SLC35E3: variants seen among roughly 807,000 people sequenced by gnomAD.
SLC35E3 encodes the protein solute carrier family 35 member E3, also known as bladder cancer-overexpressed gene 1 protein.
A neutral mutation model predicts 30.8 loss-of-function variants in SLC35E3; 28 were observed. That is an observed-to-expected ratio of 0.91 (90% CI 0.67 to 1.25). The LOEUF is 1.25. Ranked by LOEUF, SLC35E3 falls within the 50% of genes most tolerant of loss-of-function variation. SLC35E3 has a pLI of 0.00. For synonymous variants in SLC35E3, 146 were observed against 149.2 expected (o/e 0.98, Z 0.16); for missense variants, 365 against 375.4 (o/e 0.97, Z 0.23).
chr12:68,752,283 A>C, intron 3 of SLC35E3, 93 bp downstream of exon 3: 3 of 1,157,128 alleles, frequency 2.6e-6, no homozygotes. Flanking sequence ...ACTATGTCCG[A>C]TCCATTCTCA....
In SLC35E3 at chr12:68,777,009, G is replaced by A. The variant is rs1879764733; in HGVS notation, c.*12119G>A. The A allele has an allele frequency of 6.6e-6, 1 of 151,986 alleles. No homozygotes were observed. Among genetic ancestry groups the A allele is most frequent in the South Asian group, 2.1e-4 (1 of 4,822 alleles). The allele number at this position is 151,986 out of a possible 1,614,324, so 9.4% of individuals were successfully genotyped here. On this transcript the variant is annotated 3_prime_UTR_variant, in exon 5 of 5. Coordinates refer to ENST00000398004, the MANE Select transcript of SLC35E3 (RefSeq NM_018656.5). ...CCCCTCATTCCTAGTAGTACCCCCA[G>A]TTCTGCTTCAATTTGATTCAGCAGA...
rs902582867 is a variant in SLC35E3, at chr12:68,772,817, C to G, written c.*7927C>G. The G allele has an allele frequency of 4.6e-5, 7 of 152,060 alleles. No individual in the cohort carries two copies. Among genetic ancestry groups the G allele is most frequent in the Non-Finnish European group, 8.8e-5 (6 of 68,026 alleles). 9.4% of individuals were successfully genotyped at this position (152,060 alleles called of 1,614,324 possible). On this transcript the variant is annotated 3_prime_UTR_variant, in exon 5 of 5. Transcript: ENST00000398004. ...TCCTTTTCCTGTTTGTCTTACTCTC[C>G]CCCCAAAAAGAGTCAGTTTCCTGTT...
intron 3 of SLC35E3, among the ~76,000 whole-genome samples, chr12:68,754,277 T>TTTTTG (rs886111167): frequency 5.3e-5 from 8 of 151,932 alleles, no homozygotes; most frequent in South Asian, 2.1e-4. Flanking sequence ...GTTGTTGTTG[T>TTTTTG]TTTTGTTTTG....
intron 2 of SLC35E3, among the ~76,000 whole-genome samples, 181 bp from the exon 3 acceptor site, chr12:68,751,851 A>T (rs541956416): frequency 1.1e-3 from 161 of 152,330 alleles, no homozygotes; most frequent in African/African-American, 3.6e-3. Context: ...ATTTTCATCC[A>T]TGGTGCTTAA....
chr12:68,746,317 G>A lies in SLC35E3; in HGVS notation c.-61G>A, dbSNP rs1878548587. 6.7e-7 allele frequency: 1 copy of A among 1,502,196 alleles called. No homozygotes were observed. Among genetic ancestry groups the A allele is most frequent in the Non-Finnish European group, 8.9e-7 (1 of 1,127,282 alleles). 93.1% of individuals were successfully genotyped at this position (1,502,196 alleles called of 1,614,324 possible). ...GAGGACGCGGCGGTGGAGTAGAAGG[G>A]CAGCCGGAGACAGGCCCGGCGCCCC... On this transcript the variant is annotated 5_prime_UTR_variant, in exon 1 of 5. Coordinates refer to ENST00000398004, the MANE Select transcript of SLC35E3 (RefSeq NM_018656.5).
At chr12:68,762,038 G>T (rs920233510) in intron 4 of SLC35E3, among the ~76,000 whole-genome samples, 1 of 152,018 alleles carries the variant, frequency 6.6e-6, no homozygotes, top group African/African-American at 2.4e-5. Context: ...ATGGTTCACT[G>T]CAACCTCAAA....
Position 68,772,428 on chromosome 12 carries a change from T to G in SLC35E3, c.*7538T>G, listed in dbSNP as rs529002374. 1 of 152,340 alleles carries G rather than the reference T, an allele frequency of 6.6e-6. No individual in the cohort carries two copies. Among genetic ancestry groups the G allele is most frequent in the Admixed American group, 6.5e-5 (1 of 15,294 alleles). The allele number at this position is 152,340 out of a possible 1,614,324, so 9.4% of individuals were successfully genotyped here. ...TATAACTTATATGAGACGCATTTAA[T>G]GTAATCATATTACTTTCTTATATTA... is the stretch of plus-strand genomic sequence containing the variant. On this transcript the variant is annotated 3_prime_UTR_variant, in exon 5 of 5. Coordinates refer to ENST00000398004, the MANE Select transcript of SLC35E3 (RefSeq NM_018656.5).
At position 68,746,201 on chromosome 12, in the gene SLC35E3, G is replaced by A; in HGVS notation, c.-177G>A. ...GTCCTAGCTGGCTTACAGGGCGGCG[G>A]CGGGGTGTGTGTCCTCTGTTAAGAG... is the stretch of plus-strand genomic sequence containing the variant. On this transcript the variant is annotated 5_prime_UTR_variant, in exon 1 of 5. Coordinates refer to ENST00000398004, the MANE Select transcript of SLC35E3 (RefSeq NM_018656.5). 1.9e-6 allele frequency: 1 copy of A among 525,340 alleles called. No individual in the cohort carries two copies. Among genetic ancestry groups the A allele is most frequent in the Non-Finnish European group, 3.3e-6 (1 of 305,670 alleles). 32.5% of individuals were successfully genotyped at this position (525,340 alleles called of 1,614,324 possible).
chr12:68,761,916 G>T (rs944011690), intron 4 of SLC35E3, among the ~76,000 whole-genome samples: 8 of 152,092 alleles, frequency 5.3e-5, no homozygotes, highest in African/African-American at 1.9e-4. Flanking sequence ...CCAGAAGGAG[G>T]TTTGGGGCTG....
In SLC35E3 at chr12:68,764,994, C is replaced by G. The variant is rs948245357; in HGVS notation, c.*104C>G. On this transcript the variant is annotated 3_prime_UTR_variant, in exon 5 of 5. Transcript: ENST00000398004. ...AAATTGGGCCAGGCACGGTGGCTCA[C>G]GCCTGTAATCCCAGCACTTTGGGAG... 6.3e-6 allele frequency: 7 copies of G among 1,105,480 alleles called. No individual in the cohort carries two copies. Among genetic ancestry groups the G allele is most frequent in the Non-Finnish European group, 8.9e-6 (7 of 789,696 alleles). The allele number at this position is 1,105,480 out of a possible 1,614,324, so 68.5% of individuals were successfully genotyped here.
rs1368008156 is a variant in SLC35E3, at chr12:68,776,298, C to CAGG, written c.*11411_*11413dup. ...CCGAGGCAGGTGGATCACTTGAGGT[C>CAGG]AGGAGTTGGAGACCAGCCTGGCCAA... On this transcript the variant is annotated 3_prime_UTR_variant, in exon 5 of 5. Coordinates refer to ENST00000398004, the MANE Select transcript of SLC35E3 (RefSeq NM_018656.5). 2 of 150,274 alleles carry CAGG rather than the reference C, an allele frequency of 1.3e-5. No homozygotes were observed. The highest frequency in any genetic ancestry group is 3.0e-5 in the Non-Finnish European group (2 of 67,648). The allele number at this position is 150,274 out of a possible 1,614,324, so 9.3% of individuals were successfully genotyped here. A position where few individuals can be genotyped will look rare whatever the true frequency, so the allele number is the denominator to read the frequency against.
chr12:68,750,709 C>T (rs543617133), intron 2 of SLC35E3, among the ~76,000 whole-genome samples: 83 of 152,316 alleles, frequency 5.4e-4, no homozygotes, highest in African/African-American at 2.0e-3. Context: ...CACACACCCT[C>T]TGTATCCGTT....
rs1000823801 is a variant in SLC35E3 at position 68,772,820 on chromosome 12, C to G, written c.*7930C>G. 2 of 152,120 alleles carry G rather than the reference C, an allele frequency of 1.3e-5. No individual in the cohort carries two copies. Among genetic ancestry groups the G allele is most frequent in the African/African-American group, 2.4e-5 (1 of 41,402 alleles). The allele number at this position is 152,120 out of a possible 1,614,324, so 9.4% of individuals were successfully genotyped here. A position where few individuals can be genotyped will look rare whatever the true frequency, so the allele number is the denominator to read the frequency against. On this transcript the variant is annotated 3_prime_UTR_variant, in exon 5 of 5. Coordinates refer to ENST00000398004, the MANE Select transcript of SLC35E3 (RefSeq NM_018656.5). Reference sequence around the variant, plus strand: ...TTTTCCTGTTTGTCTTACTCTCCCCCCAAAAAGAGTCAGTTTCCTGTTTTC... The same window carrying G: ...TTTTCCTGTTTGTCTTACTCTCCCCGCAAAAAGAGTCAGTTTCCTGTTTTC...
At position 68,778,843 on chromosome 12, in the gene SLC35E3, G is replaced by A. The variant is rs951408185; in HGVS notation, c.*13953G>A. ...CTTATGGCTGGATGCAGTGGCTCAC[G>A]CCTGTAATCCCAGCACTTTGGGAGG... On this transcript the variant is annotated 3_prime_UTR_variant, in exon 5 of 5. Coordinates refer to ENST00000398004, the MANE Select transcript of SLC35E3 (RefSeq NM_018656.5). The A allele has an allele frequency of 4.0e-5, 6 of 151,882 alleles. No homozygotes were observed. Among genetic ancestry groups the A allele is most frequent in the Non-Finnish European group, 8.8e-5 (6 of 68,086 alleles). The allele number at this position is 151,882 out of a possible 1,614,324, so 9.4% of individuals were successfully genotyped here.
intron 4 of SLC35E3, among the ~76,000 whole-genome samples, chr12:68,762,952 A>G (rs1476982452): frequency 2.6e-5 from 4 of 151,548 alleles, no homozygotes; most frequent in African/African-American, 9.7e-5. Flanking sequence ...GAGCTCTGCC[A>G]CTCTCTGTGG....
rs1429319284 is a variant in SLC35E3, at chr12:68,771,387, A to G, written c.*6497A>G. On this transcript the variant is annotated 3_prime_UTR_variant, in exon 5 of 5. Coordinates refer to ENST00000398004, the MANE Select transcript of SLC35E3 (RefSeq NM_018656.5). ...AGGAGTTTCTGGGGTATGCCTGATA[A>G]GGAGGAAAACAGACCAAGATGAGCT... 1 of 152,206 alleles carries G rather than the reference A, an allele frequency of 6.6e-6. No individual in the cohort carries two copies. Among genetic ancestry groups the G allele is most frequent in the African/African-American group, 2.4e-5 (1 of 41,448 alleles). 9.4% of individuals were successfully genotyped at this position (152,206 alleles called of 1,614,324 possible). A position where few individuals can be genotyped will look rare whatever the true frequency, so the allele number is the denominator to read the frequency against.
At chr12:68,750,814 G>A (rs1878760454) in intron 2 of SLC35E3, among the ~76,000 whole-genome samples, 1 of 152,178 alleles carries the variant, frequency 6.6e-6, no homozygotes, top group African/African-American at 2.4e-5. Context: ...GCTGGCAGGA[G>A]TATGGTTCAA....
intron 3 of SLC35E3, among the ~76,000 whole-genome samples, chr12:68,752,848 C>CA (rs1878855118): frequency 6.7e-6 from 1 of 150,222 alleles, no homozygotes; most frequent in South Asian, 2.1e-4. Flanking sequence ...ACTAAAAATA[C>CA]AAAAAAATTA....
rs1879433904 is a variant in SLC35E3, at chr12:68,766,734, A to G, written c.*1844A>G. On this transcript the variant is annotated 3_prime_UTR_variant, in exon 5 of 5. Transcript: ENST00000398004. ...CCAGTAGCTGGGACTACAGGTGCACACCAACATACCTGGCTGATTTTTATA... is the reference window on the plus strand; with the variant it reads ...CCAGTAGCTGGGACTACAGGTGCACGCCAACATACCTGGCTGATTTTTATA... 4.5e-6 allele frequency: 2 copies of G among 448,484 alleles called. No individual in the cohort carries two copies. The highest frequency in any genetic ancestry group is 8.9e-6 in the Non-Finnish European group (2 of 224,874). The allele number at this position is 448,484 out of a possible 1,614,324, so 27.8% of individuals were successfully genotyped here. A position where few individuals can be genotyped will look rare whatever the true frequency, so the allele number is the denominator to read the frequency against.
Sources: allele counts gnomAD v4.1 joint callset (sites outside exome capture counted in the v4.1 genomes callset), GRCh38; gene constraint gnomAD v4.1.1; transcripts MANE v1.5; gene names NCBI Gene and HGNC (gene_info 2026-07-23, HGNC 2026-07-21).